The following LRBA variants were observed in gnomAD, a reference collection of about 807,000 sequenced individuals.
The protein encoded by LRBA is lipopolysaccharide-responsive and beige-like anchor protein.
In LRBA, 176 loss-of-function variants were observed where a neutral mutation model predicts 330.0. The observed-to-expected ratio is 0.53, with a 90% CI of 0.47 to 0.60. The LOEUF is 0.60. LRBA is among the 20% of genes least tolerant of loss of function. LRBA has a pLI of 0.00. For missense variants in LRBA, 3,259 were observed against 3,444.8 expected (o/e 0.95, Z 1.35); for synonymous variants, 1,230 against 1,193.0 (o/e 1.03, Z -0.64).
Position 150,844,679 on chromosome 4 carries a change from A to C in LRBA, c.4440T>G (p.Pro1480=). 1 of 1,613,066 alleles carries C rather than the reference A, an allele frequency of 6.2e-7. No homozygotes were observed. The highest frequency in any genetic ancestry group is 8.5e-7 in the Non-Finnish European group (1 of 1,179,402). Reference sequence around the variant, plus strand: ...TTACCTTCGCTGCAGATTTCCCTAAAGGAATAAGGCTATGCATTGGTTTCA... The same window carrying C: ...TTACCTTCGCTGCAGATTTCCCTAACGGAATAAGGCTATGCATTGGTTTCA... The part of the protein sequence containing the change: ...KALKPMHSLI[P]LGKSAAKSPV... The change falls in exon 27 of 57, where the codon CCT becomes CCG. Residue 1480 remains proline, a synonymous_variant. Coordinates refer to ENST00000651943, the MANE Select transcript of LRBA (RefSeq NM_001364905.1).
chr4:150,694,038 T>C (rs546141983), intron 36 of LRBA, among the ~76,000 whole-genome samples: 38 of 152,262 alleles, frequency 2.5e-4, no homozygotes, highest in African/African-American at 8.2e-4. Context: ...AAGAAACATA[T>C]ACTTGCTTTT....
At chr4:150,503,042 C>T (rs1228653014) in intron 40 of LRBA, among the ~76,000 whole-genome samples, 1 of 152,190 alleles carries the variant, frequency 6.6e-6, no homozygotes, top group Non-Finnish European at 1.5e-5. Flanking sequence ...ATTAGGTAAA[C>T]AAAGCAGCCA....
chr4:150,756,503 C>A (rs979080866), intron 35 of LRBA, among the ~76,000 whole-genome samples: 1 of 152,042 alleles, frequency 6.6e-6, no homozygotes, highest in Admixed American at 6.5e-5. Flanking sequence ...ATTCAAGATT[C>A]ATTGGCAAAG....
rs1361158056 is a variant in LRBA at position 150,733,841 on chromosome 4, C to T, written c.5754+1417G>A. ...TGCATAACTATCTCATACCTAATAACCTCACCAAATTCTCTTATTAACTCT... is the reference window on the plus strand; with the variant it reads ...TGCATAACTATCTCATACCTAATAATCTCACCAAATTCTCTTATTAACTCT... On this transcript the variant is annotated intron_variant, in intron 36 of 56. Coordinates refer to ENST00000651943, the MANE Select transcript of LRBA (RefSeq NM_001364905.1). 3.3e-5 allele frequency among the ~76,000 whole-genome samples: 5 copies of T among 152,032 alleles called. No individual in the cohort carries two copies. In the South Asian group the frequency reaches 1.0e-3, roughly 31 times the overall value.
chr4:150,705,476 A>G (rs1298565507), intron 36 of LRBA, among the ~76,000 whole-genome samples: 3 of 152,082 alleles, frequency 2.0e-5, no homozygotes, highest in African/African-American at 7.2e-5. Context: ...TGGAAATTGT[A>G]AAGTTATTCA....
chr4:150,825,382 G>A (rs184753213), intron 30 of LRBA, among the ~76,000 whole-genome samples: 197 of 151,966 alleles, frequency 1.3e-3, no homozygotes, highest in Non-Finnish European at 2.5e-3. Flanking sequence ...ATGGGGCAGG[G>A]GGGGAAGGAG....
chr4:150,510,497 AT>A (rs1202976554), intron 40 of LRBA, among the ~76,000 whole-genome samples: 2 of 152,190 alleles, frequency 1.3e-5, no homozygotes, highest in Non-Finnish European at 2.9e-5. Context: ...CAAAATAAAT[AT>A]ATTAAATGTC....
intron 2 of LRBA, among the ~76,000 whole-genome samples, chr4:150,966,026 A>T (rs182492872): frequency 6.6e-6 from 1 of 152,306 alleles, no homozygotes; most frequent in Admixed American, 6.5e-5. Flanking sequence ...ATACCATCCC[A>T]CAGGTACTGG....
chr4:150,868,202 A>G lies in LRBA; in HGVS notation c.2553T>C (p.Asn851=). Residue 851 remains asparagine, a synonymous_variant, in exon 21 of 57, where the codon AAT becomes AAC. Coordinates refer to ENST00000651943, the MANE Select transcript of LRBA (RefSeq NM_001364905.1). The part of the protein sequence containing the change: ...AFLSDMIKLF[N]NSRENRRSLL... Reference sequence around the variant, plus strand: ...CTTACCTCCTGTTTTCTCTACTGTTATTAAAAAGTTTAATCATGTCAGAAA... The same window carrying G: ...CTTACCTCCTGTTTTCTCTACTGTTGTTAAAAAGTTTAATCATGTCAGAAA... 1.2e-6 allele frequency: 2 copies of G among 1,612,180 alleles called. No individual in the cohort carries two copies. Among genetic ancestry groups the G allele is most frequent in the Non-Finnish European group, 1.7e-6 (2 of 1,178,838 alleles).
chr4:150,337,213 G>A (rs938535699), intron 48 of LRBA, among the ~76,000 whole-genome samples: 4 of 152,108 alleles, frequency 2.6e-5, no homozygotes, highest in Non-Finnish European at 4.4e-5. Flanking sequence ...TGCTAAGAGT[G>A]ACCTAGATGA....
chr4:150,862,989 GACACAC>G (rs57854219), intron 22 of LRBA, among the ~76,000 whole-genome samples: 2 of 148,644 alleles, frequency 1.3e-5, no homozygotes, highest in African/African-American at 2.5e-5. Flanking sequence ...ATTTAAAAAA[GACACAC>G]ACACACACAC....
In LRBA at chr4:150,567,650, G is replaced by C. The variant is rs967653867; in HGVS notation, c.6330+20398C>G. ...TATGACAATTAAAGTGCTTAGCATA[G>C]TGGTTGGCACAGAATAAGAGTTCAA... On this transcript the variant is annotated intron_variant, in intron 40 of 56. Coordinates refer to ENST00000651943, the MANE Select transcript of LRBA (RefSeq NM_001364905.1). Among the ~76,000 whole-genome samples, 5 of 152,272 alleles carry C rather than the reference G, an allele frequency of 3.3e-5. No homozygotes were observed. The South Asian group carries it at 1.0e-3, about 32-fold the overall frequency.
chr4:150,814,821 C>T (rs965179045), intron 31 of LRBA, among the ~76,000 whole-genome samples: 1 of 151,870 alleles, frequency 6.6e-6, no homozygotes, highest in Non-Finnish European at 1.5e-5. Flanking sequence ...ATAAATGTAA[C>T]AGTCTTCAAG....
Position 150,828,481 on chromosome 4 carries a change from G to C in LRBA, c.4870C>G (p.His1624Asp). The C allele has an allele frequency of 6.2e-7, 1 of 1,614,132 alleles. No individual in the cohort carries two copies. Residue 1624 changes from histidine (H) to aspartate (D), a missense_variant, in exon 30 of 57, where the codon CAC becomes GAC. His to Asp is a moderately conservative substitution (Grantham distance 81). Transcript: ENST00000651943. Reference sequence around the variant, plus strand: ...GCACTGACACCAGGAGGTGCTGTGTGAGGAGTTACTTCCACATGGCTTCCT... The same window carrying C: ...GCACTGACACCAGGAGGTGCTGTGTCAGGAGTTACTTCCACATGGCTTCCT... Reference protein sequence around the residue: ...GLGSHVEVTPHTAPPGVSAGP... With the variant: ...GLGSHVEVTPDTAPPGVSAGP...
chr4:150,411,520 G>A (rs1581233964), intron 47 of LRBA, among the ~76,000 whole-genome samples: 1 of 152,104 alleles, frequency 6.6e-6, no homozygotes, highest in East Asian at 1.9e-4. Flanking sequence ...ATTATTCACT[G>A]TCCTATAGAT....
At chr4:150,709,951 T>G (rs1378285285) in intron 36 of LRBA, among the ~76,000 whole-genome samples, 1 of 151,954 alleles carries the variant, frequency 6.6e-6, no homozygotes, top group African/African-American at 2.4e-5. Context: ...AATGAGGTTT[T>G]GTGGTTGATA....
intron 48 of LRBA, among the ~76,000 whole-genome samples, chr4:150,327,862 G>A (rs974493613): frequency 1.3e-5 from 2 of 152,188 alleles, no homozygotes; most frequent in African/African-American, 2.4e-5. Context: ...AGGAGTTTAT[G>A]TAGGAAGAGA....
intron 36 of LRBA, among the ~76,000 whole-genome samples, chr4:150,695,303 T>C (rs1006324242): frequency 1.3e-5 from 2 of 152,180 alleles, no homozygotes; most frequent in African/African-American, 2.4e-5. Flanking sequence ...GTTCTACATC[T>C]ACAGATTCGA....
intron 42 of LRBA, among the ~76,000 whole-genome samples, chr4:150,477,551 C>A (rs1357445352): frequency 6.6e-6 from 1 of 152,084 alleles, no homozygotes; most frequent in Non-Finnish European, 1.5e-5. Flanking sequence ...ATGATCCAAT[C>A]AGGTCCTCTG....
Sources: allele counts gnomAD v4.1 joint callset (sites outside exome capture counted in the v4.1 genomes callset), GRCh38; gene constraint gnomAD v4.1.1; transcripts MANE v1.5; gene names NCBI Gene and HGNC (gene_info 2026-07-23, HGNC 2026-07-21).